Variants in ZWILCH observed in about 807,000 individuals in gnomAD.
ZWILCH encodes protein zwilch homolog.
In ZWILCH, 74 loss-of-function variants were observed where a neutral mutation model predicts 79.9. The ratio of observed to expected loss-of-function variants is 0.93; its 90% CI spans 0.77 to 1.12. ZWILCH has a LOEUF of 1.12. ZWILCH is among the 50% of genes most tolerant of loss of function. The pLI is 0.00. For missense variants in ZWILCH, 694 were observed against 687.5 expected, an observed-to-expected ratio of 1.01 and a Z score of -0.11; for synonymous variants, 241 against 228.2, an observed-to-expected ratio of 1.06 and a Z score of -0.51.
intron 2 of ZWILCH, among the ~76,000 whole-genome samples, chr15:66,510,494 ACTGT>A (rs1166221322): frequency 1.3e-5 from 2 of 152,192 alleles, no homozygotes; most frequent in South Asian, 2.1e-4. Context: ...GTTACCTTTC[ACTGT>A]CTGAATTCTC....
intron 2 of ZWILCH, among the ~76,000 whole-genome samples, chr15:66,510,058 G>T (rs1368926029): frequency 6.7e-6 from 1 of 150,002 alleles, no homozygotes; most frequent in African/African-American, 2.4e-5. Flanking sequence ...TGTGCCTGTA[G>T]TCCCAGCTAC....
Position 66,521,095 on chromosome 15 carries a change from G to C in ZWILCH, c.637G>C (p.Ala213Pro). The change falls in exon 7 of 19, where the codon GCC becomes CCC. Residue 213 changes from alanine (A) to proline (P), a missense_variant. Transcript: ENST00000307897. ...CCAGTATGAGCTCTTTAAGTCCTCT[G>C]CCTTGGATGATACAATCACAGCATC... Reference protein sequence around the residue: ...FAQYELFKSSALDDTITASQT... With the variant: ...FAQYELFKSSPLDDTITASQT... The C allele has an allele frequency of 1.2e-6, 2 of 1,614,132 alleles. No individual in the cohort carries two copies. Among genetic ancestry groups the C allele is most frequent in the Non-Finnish European group, 1.7e-6 (2 of 1,180,030 alleles).
intron 18 of ZWILCH, 199 bp downstream of exon 18, chr15:66,546,904 A>G (rs942397547): frequency 1.7e-5 from 4 of 234,800 alleles, no homozygotes; most frequent in African/African-American, 9.1e-5. Flanking sequence ...AACTTTTAAT[A>G]GGTCAATTTA....
intron 1 of ZWILCH, 70 bp from the exon 2 acceptor site, chr15:66,508,771 C>A: frequency 6.3e-7 from 1 of 1,598,962 alleles, no homozygotes; most frequent in Non-Finnish European, 8.5e-7. Flanking sequence ...AAAGTGATGA[C>A]TGACTCCTGA....
intron 10 of ZWILCH, 34 bp from the exon 11 acceptor site, chr15:66,528,818 A>C (rs1007263353): frequency 1.3e-6 from 2 of 1,575,450 alleles, no homozygotes; most frequent in African/African-American, 2.7e-5. Flanking sequence ...TAAAAAAAAA[A>C]CTGAGTATTC....
chr15:66,545,276 C>A (rs1234830837), intron 17 of ZWILCH, among the ~76,000 whole-genome samples: 1 of 152,038 alleles, frequency 6.6e-6, no homozygotes, highest in Non-Finnish European at 1.5e-5. Flanking sequence ...ATTGCTTGAA[C>A]CCTGGAGGCA....
chr15:66,527,705 A>G, intron 9 of ZWILCH, 152 bp from the exon 10 acceptor site: 1 of 680,464 alleles, frequency 1.5e-6, no homozygotes, highest in Non-Finnish European at 2.4e-6. Context: ...CCTGATGGAT[A>G]TCTATTATAA....
chr15:66,545,140 G>T (rs1029465453), intron 17 of ZWILCH, among the ~76,000 whole-genome samples: 16 of 151,850 alleles, frequency 1.1e-4, no homozygotes, highest in African/African-American at 3.9e-4. Flanking sequence ...ATCACCTGAG[G>T]TCAGGAGTTC....
intron 8 of ZWILCH, 101 bp from the exon 9 acceptor site, chr15:66,527,189 C>A: frequency 3.6e-6 from 3 of 841,494 alleles, no homozygotes; most frequent in Non-Finnish European, 5.8e-6. Context: ...GATAAACACT[C>A]AAGAAATGTT....
chr15:66,544,088 T>C (rs901291315), intron 17 of ZWILCH, among the ~76,000 whole-genome samples: 2 of 151,960 alleles, frequency 1.3e-5, no homozygotes, highest in Non-Finnish European at 2.9e-5. Flanking sequence ...AAACCCCACC[T>C]GTACTAAAAA....
chr15:66,519,648 G>T (rs1414230430), intron 5 of ZWILCH, among the ~76,000 whole-genome samples: 3 of 151,982 alleles, frequency 2.0e-5, no homozygotes, highest in African/African-American at 7.3e-5. Context: ...TAGAGACGGG[G>T]TTACACCATA....
intron 17 of ZWILCH, among the ~76,000 whole-genome samples, chr15:66,540,524 G>A (rs566437840): frequency 1.4e-4 from 21 of 151,886 alleles, no homozygotes; most frequent in Non-Finnish European, 1.3e-4. Context: ...CTGCACTCCA[G>A]CCTGGGCAAC....
At chr15:66,517,263 C>T (rs1214551903) in intron 4 of ZWILCH, among the ~76,000 whole-genome samples, 6 of 151,322 alleles carry the variant, frequency 4.0e-5, no homozygotes, top group African/African-American at 1.2e-4. Context: ...TCCTTTTTCT[C>T]TCTCTTGTGT....
chr15:66,529,338 C>CTT lies in ZWILCH; in HGVS notation c.1076-145_1076-144dup, dbSNP rs370654105. ...TTCTTTCTTTAGAAATTCATTAAATCTTTTTTTTTTTTGCCACTTTAATTT... is the reference window on the plus strand; with the variant it reads ...TTCTTTCTTTAGAAATTCATTAAATCTTTTTTTTTTTTTTGCCACTTTAATTT... On this transcript the variant is annotated intron_variant, in intron 11 of 18. Transcript: ENST00000307897. 7.4e-4 allele frequency among the ~76,000 whole-genome samples: 109 copies of CTT among 146,644 alleles called. 1 individual carries two copies. The East Asian group carries it at 7.5e-3, about 10-fold the overall frequency.
Position 66,508,883 on chromosome 15 carries a change from T to C in ZWILCH, c.96T>C (p.Phe32=). The change falls in exon 2 of 19, where the codon TTT becomes TTC. Residue 32 remains phenylalanine (F), a synonymous_variant. Coordinates refer to ENST00000307897, the MANE Select transcript of ZWILCH (RefSeq NM_017975.5). ...EEKKGIRKDP[F]LYEADVQVQL... is the part of the protein sequence containing the mutation. ...AGAAAGGAATCCGTAAAGACCCATTTCTCTATGAGGTATGAACAATTTGGT... is the reference window on the plus strand; with the variant it reads ...AGAAAGGAATCCGTAAAGACCCATTCCTCTATGAGGTATGAACAATTTGGT... 3 of 1,614,050 alleles carry C rather than the reference T, an allele frequency of 1.9e-6. No individual in the cohort carries two copies. Among genetic ancestry groups the C allele is most frequent in the Non-Finnish European group, 2.5e-6 (3 of 1,179,962 alleles).
At chr15:66,543,987 A>G (rs1355844676) in intron 17 of ZWILCH, among the ~76,000 whole-genome samples, 1 of 152,184 alleles carries the variant, frequency 6.6e-6, no homozygotes, top group African/African-American at 2.4e-5. Flanking sequence ...AGAAGAAAAC[A>G]TATGGCTCAC....
At position 66,532,311 on chromosome 15, in the gene ZWILCH, A is replaced by G; in HGVS notation, c.1220A>G (p.Asp407Gly). Residue 407 changes from aspartate to glycine, a missense_variant, in exon 13 of 19, where the codon GAC becomes GGC. By Grantham distance (94) the Asp-to-Gly change is moderately conservative. Transcript: ENST00000307897. ...LIHQSYHGTMDTVSLSGTIPV... is the reference protein window; with the variant it reads ...LIHQSYHGTMGTVSLSGTIPV... ...CATCAGTCTTATCATGGAACCATGGACACAGTTTCTCTCAGTGGGACTATT... is the reference window on the plus strand; with the variant it reads ...CATCAGTCTTATCATGGAACCATGGGCACAGTTTCTCTCAGTGGGACTATT... 1.2e-6 allele frequency: 2 copies of G among 1,612,736 alleles called. No homozygotes were observed. The highest frequency in any genetic ancestry group is 1.7e-6 in the Non-Finnish European group (2 of 1,179,414).
At chr15:66,511,925 T>TTA (rs1567040489) in intron 2 of ZWILCH, among the ~76,000 whole-genome samples, 3 of 152,236 alleles carry the variant, frequency 2.0e-5, no homozygotes. Flanking sequence ...GTGAAAATGC[T>TTA]TAATATGTTG....
chr15:66,521,559 G>A (rs967756738), intron 7 of ZWILCH, among the ~76,000 whole-genome samples: 8 of 152,124 alleles, frequency 5.3e-5, no homozygotes, highest in Non-Finnish European at 7.4e-5. Context: ...AAAGTGGCAC[G>A]ATCACTGCTC....
Sources: gnomAD v4.1 joint callset for allele counts (sites outside exome capture counted in the v4.1 genomes callset) on GRCh38, gnomAD v4.1.1 for gene constraint, MANE v1.5 for transcripts, NCBI Gene and HGNC (gene_info 2026-07-23, HGNC 2026-07-21) for gene names.